Variants in ADCY1 observed in about 807,000 individuals in gnomAD.
The protein encoded by ADCY1 is adenylate cyclase type 1.
A neutral mutation model predicts 105.4 loss-of-function variants in ADCY1; 28 were observed. That is an observed-to-expected ratio of 0.27 (90% CI 0.20 to 0.36). ADCY1 has a LOEUF of 0.36. Ranked by LOEUF, ADCY1 falls within the 10% of genes least tolerant of loss-of-function variation. The pLI is 1.00. For missense variants in ADCY1, 977 were observed against 1,434.2 expected (o/e 0.68, Z 5.15); for synonymous variants, 655 against 623.8 (o/e 1.05, Z -0.75).
At chr7:45,628,981 A>G (rs542574808) in intron 4 of ADCY1, among the ~76,000 whole-genome samples, 1 of 152,166 alleles carries the variant, frequency 6.6e-6, no homozygotes, top group Admixed American at 6.5e-5. Flanking sequence ...AATGAGCTGC[A>G]TATGTGTACG....
In ADCY1 at chr7:45,722,670, G is replaced by A. The variant is rs569097492; in HGVS notation, c.*8675G>A. ...TTCTCGACTGTCCGAGAAAAGTTGT[G>A]TAAGCGCCTGCGTTCTTCTGGGTTT... On this transcript the variant is annotated 3_prime_UTR_variant, in exon 20 of 20. Transcript: ENST00000297323. 1 of 152,492 alleles carries A rather than the reference G, an allele frequency of 6.6e-6. No homozygotes were observed. Among genetic ancestry groups the A allele is most frequent in the South Asian group, 2.1e-4 (1 of 4,818 alleles). 9.4% of individuals were successfully genotyped at this position (152,492 alleles called of 1,614,324 possible).
intron 4 of ADCY1, among the ~76,000 whole-genome samples, chr7:45,643,746 G>C (rs902378961): frequency 1.3e-5 from 2 of 151,574 alleles, no homozygotes; most frequent in Non-Finnish European, 2.9e-5. Context: ...TGTTCCTCCC[G>C]TGCGTGTAGT....
chr7:45,610,303 A>T (rs1793498395), intron 2 of ADCY1, 76 bp from the exon 3 acceptor site: 1 of 1,356,664 alleles, frequency 7.4e-7, no homozygotes, highest in Non-Finnish European at 1.0e-6. Context: ...CGGCGCCCTT[A>T]CTGGGGAGGG....
intron 5 of ADCY1, among the ~76,000 whole-genome samples, chr7:45,651,045 T>C (rs1287326813): frequency 6.6e-6 from 1 of 152,156 alleles, no homozygotes; most frequent in Non-Finnish European, 1.5e-5. Flanking sequence ...CCCTGCTACC[T>C]GAAACTGGTC....
chr7:45,574,867 A>G lies in ADCY1; in HGVS notation c.324A>G (p.Val108=), dbSNP rs1400240163. 6.2e-7 allele frequency: 1 copy of G among 1,611,494 alleles called. No homozygotes were observed. Among genetic ancestry groups the G allele is most frequent in the Non-Finnish European group, 8.5e-7 (1 of 1,179,562 alleles). The change falls in exon 1 of 20, where the codon GTA becomes GTG. Residue 108 remains valine, a synonymous_variant. Coordinates refer to ENST00000297323, the MANE Select transcript of ADCY1 (RefSeq NM_021116.4). This position sits in a 1 kb window ranked among gnomAD's most constrained non-coding sequence, Gnocchi z 7.0. The part of the protein sequence containing the change: ...HCVLFLALLV[V]TNVRSLQVPQ... ...TCCTCTTCCTGGCGCTGCTCGTGGT[A>G]ACCAACGTCCGGTCCCTGCAGGTGC... is the stretch of plus-strand genomic sequence containing the variant.
intron 2 of ADCY1, among the ~76,000 whole-genome samples, chr7:45,598,892 G>A (rs772835413): frequency 1.3e-5 from 2 of 152,182 alleles, no homozygotes; most frequent in Admixed American, 6.5e-5. Context: ...GGCCTGTCAC[G>A]TGGACGGCAG....
rs760163601 is a variant in ADCY1 at position 45,703,516 on chromosome 7, C to T, written c.2571+24C>T. 1.2e-6 allele frequency: 2 copies of T among 1,613,870 alleles called. No individual in the cohort carries two copies. Among genetic ancestry groups the T allele is most frequent in the Non-Finnish European group, 1.7e-6 (2 of 1,179,872 alleles). On this transcript the variant is annotated intron_variant, in intron 15 of 19. Transcript: ENST00000297323. This position sits in a 1 kb window ranked among gnomAD's most constrained non-coding sequence, Gnocchi z 5.9. ...TGGTGAGCACCCAGCCTGCTCCTGG[C>T]CAGCACTAGCCCTACACTGCTCTGG...
intron 1 of ADCY1, among the ~76,000 whole-genome samples, chr7:45,582,032 A>G (rs1792564097): frequency 1.3e-5 from 2 of 152,138 alleles, no homozygotes; most frequent in South Asian, 4.2e-4. Context: ...CCTCACACTC[A>G]TTTTGTACCT....
rs1335028782 is a variant in ADCY1, at chr7:45,718,280, CAG to C, written c.*4288_*4289del. The C allele has an allele frequency of 6.6e-6, 1 of 152,234 alleles. No homozygotes were observed. Among genetic ancestry groups the C allele is most frequent in the Non-Finnish European group, 1.5e-5 (1 of 68,102 alleles). The allele number at this position is 152,234 out of a possible 1,614,324, so 9.4% of individuals were successfully genotyped here. On this transcript the variant is annotated 3_prime_UTR_variant, in exon 20 of 20. Transcript: ENST00000297323. ...TATGCTGCAGTTTGTTGGTTTGGTG[CAG>C]AGTCTAAAGGATAACATATCAAGGC...
intron 1 of ADCY1, among the ~76,000 whole-genome samples, chr7:45,585,439 CTT>C (rs56193100): frequency 0.33 from 40,055 of 120,298 alleles, 6,036 homozygotes; most frequent in East Asian, 0.46. Flanking sequence ...GTGGGTACAT[CTT>C]TTTTTTTTTT....
chr7:45,605,364 A>G (rs1017095154), intron 2 of ADCY1, among the ~76,000 whole-genome samples: 1 of 152,112 alleles, frequency 6.6e-6, no homozygotes, highest in Non-Finnish European at 1.5e-5. Context: ...TTCCCATGAG[A>G]TGATGAATAT....
chr7:45,684,419 C>A (rs1030297810), intron 11 of ADCY1: 5 of 152,244 alleles, frequency 3.3e-5, no homozygotes, highest in African/African-American at 1.2e-4. Flanking sequence ...TCTGTAAGGT[C>A]CCTGCGTATT....
Position 45,593,013 on chromosome 7 carries a change from A to G in ADCY1, c.789+105A>G, listed in dbSNP as rs1233588516. On this transcript the variant is annotated intron_variant, in intron 2 of 19. Transcript: ENST00000297323. ...AGTTTACCCCGTGGTGACATGGGCCACAATTCCCATTGGTACATGTTGGTA... is the reference window on the plus strand; with the variant it reads ...AGTTTACCCCGTGGTGACATGGGCCGCAATTCCCATTGGTACATGTTGGTA... 6 of 1,459,620 alleles carry G rather than the reference A, an allele frequency of 4.1e-6. No individual in the cohort carries two copies. In the East Asian group the frequency reaches 7.2e-5, roughly 17 times the overall value. The allele number at this position is 1,459,620 out of a possible 1,614,324, so 90.4% of individuals were successfully genotyped here. A position where few individuals can be genotyped will look rare whatever the true frequency, so the allele number is the denominator to read the frequency against.
At chr7:45,634,350 T>A (rs181527616) in intron 4 of ADCY1, among the ~76,000 whole-genome samples, 1 of 152,040 alleles carries the variant, frequency 6.6e-6, no homozygotes, top group Admixed American at 6.5e-5. Flanking sequence ...CATCATTAAA[T>A]ATATTACCAG....
At chr7:45,652,355 C>CTGCTCTGAT (rs1794832930) in intron 5 of ADCY1, among the ~76,000 whole-genome samples, 1 of 152,148 alleles carries the variant, frequency 6.6e-6, no homozygotes, top group Admixed American at 6.5e-5. Context: ...GTTCCAGAGG[C>CTGCTCTGAT]TGCTCTGATA....
rs181142316 is a variant in ADCY1 at position 45,691,188 on chromosome 7, C to T, written c.2454+4515C>T. 2.6e-3 allele frequency among the ~76,000 whole-genome samples: 391 copies of T among 152,326 alleles called. 2 individuals carry two copies. The highest frequency in any genetic ancestry group is 8.8e-3 in the African/African-American group (364 of 41,562). On this transcript the variant is annotated intron_variant, in intron 14 of 19. Coordinates refer to ENST00000297323, the MANE Select transcript of ADCY1 (RefSeq NM_021116.4). The stretch of plus-strand genomic sequence containing the variant: ...TTCTCCATCCAGTGACACCCCCTAG[C>T]AATGCCCAATGAGCATACCAGTAAT...
intron 4 of ADCY1, among the ~76,000 whole-genome samples, chr7:45,644,195 C>T (rs545566642): frequency 3.9e-5 from 6 of 152,290 alleles, no homozygotes; most frequent in Admixed American, 6.5e-5. Context: ...ATGCAGTGTG[C>T]GAGTCCATGA....
At position 45,657,745 on chromosome 7, in the gene ADCY1, C is replaced by T. The variant is rs767956323; in HGVS notation, c.1167C>T (p.Thr389=). 15 of 1,613,588 alleles carry T rather than the reference C, an allele frequency of 9.3e-6. No homozygotes were observed. The Admixed American group carries it at 1.2e-4, about 13-fold the overall frequency. The stretch of plus-strand genomic sequence containing the variant: ...GTTGCAGATCTGTGGCTGAAGCCAC[C>T]GAGGTGGATCTGAACATGCGTGTGG... The part of the protein sequence containing the change: ...IDTITSVAEA[T]EVDLNMRVGL... Residue 389 remains threonine, a synonymous_variant, in exon 6 of 20, where the codon ACC becomes ACT. Transcript: ENST00000297323.
In ADCY1 at chr7:45,591,700, A is replaced by T. The variant is rs1792921710; in HGVS notation, c.640-1059A>T. 6.6e-6 allele frequency among the ~76,000 whole-genome samples: 1 copy of T among 152,220 alleles called. No homozygotes were observed. The highest frequency in any genetic ancestry group is 2.4e-5 in the African/African-American group (1 of 41,444). ...GCCATGGCCCTGCATGGCTCGTCAG[A>T]GTTGCCTGTGTCCAGACCCAGTGGT... On this transcript the variant is annotated intron_variant, in intron 1 of 19. Coordinates refer to ENST00000297323, the MANE Select transcript of ADCY1 (RefSeq NM_021116.4). This position sits in a 1 kb window ranked among gnomAD's most constrained non-coding sequence, Gnocchi z 4.1.
Sources: allele counts gnomAD v4.1 joint callset (sites outside exome capture counted in the v4.1 genomes callset), GRCh38; gene constraint gnomAD v4.1.1; non-coding constraint Gnocchi (gnomAD v3.1); transcripts MANE v1.5; gene names NCBI Gene and HGNC (gene_info 2026-07-23, HGNC 2026-07-21).